Variants in CACNA1D observed in about 807,000 individuals in gnomAD.
The protein encoded by CACNA1D is calcium voltage-gated channel subunit alpha1 D.
CACNA1D carries 55 observed loss-of-function variants against 257.1 expected under a neutral mutation model. That is an observed-to-expected ratio of 0.21 (90% CI 0.17 to 0.27). The LOEUF (loss-of-function observed/expected upper bound fraction) is 0.27, where lower values mean the gene tolerates loss of function less well. CACNA1D is among the 10% of genes least tolerant of loss of function. CACNA1D has a pLI of 1.00. For missense variants in CACNA1D, 1,876 were observed against 2,784.0 expected, an observed-to-expected ratio of 0.67 and a Z score of 7.34; for synonymous variants, 980 against 1,014.9, an observed-to-expected ratio of 0.97 and a Z score of 0.65.
intron 40 of CACNA1D, among the ~76,000 whole-genome samples, chr3:53,794,843 G>T (rs909285026): frequency 6.6e-6 from 1 of 152,202 alleles, no homozygotes; most frequent in African/African-American, 2.4e-5. Flanking sequence ...GTGACCTCAT[G>T]GACCCCTGAC....
intron 29 of CACNA1D, 61 bp from the exon 30 acceptor site, chr3:53,761,937 G>T: frequency 8.4e-7 from 1 of 1,192,950 alleles, no homozygotes; most frequent in South Asian, 1.2e-5. Flanking sequence ...CCCCTATACG[G>T]TCCGTGTGGT....
intron 25 of CACNA1D, 144 bp downstream of exon 25, chr3:53,746,019 G>A: frequency 1.4e-6 from 1 of 714,250 alleles, no homozygotes; most frequent in Non-Finnish European, 2.5e-6. Context: ...GATGGTGTTT[G>A]TTTTTCATTG....
intron 3 of CACNA1D, among the ~76,000 whole-genome samples, chr3:53,511,257 T>C (rs1479991933): frequency 6.6e-6 from 1 of 152,126 alleles, no homozygotes; most frequent in African/African-American, 2.4e-5. Context: ...AGTGGGACAA[T>C]GGGGAATGGA....
intron 3 of CACNA1D, among the ~76,000 whole-genome samples, chr3:53,554,634 C>T (rs2092604619): frequency 6.6e-6 from 1 of 152,206 alleles, no homozygotes; most frequent in South Asian, 2.1e-4. Flanking sequence ...TTTAGTCTCC[C>T]TCAAGGGTAG....
At chr3:53,610,729 A>G (rs2093572947) in intron 3 of CACNA1D, among the ~76,000 whole-genome samples, 1 of 152,080 alleles carries the variant, frequency 6.6e-6, no homozygotes. Flanking sequence ...TTCTTTTAGT[A>G]TAATTGAATA....
intron 3 of CACNA1D, among the ~76,000 whole-genome samples, chr3:53,518,429 T>C (rs1229007715): frequency 6.6e-6 from 1 of 152,192 alleles, no homozygotes; most frequent in African/African-American, 2.4e-5. Flanking sequence ...CTTTGATTGC[T>C]TTGCCTGTTT....
At chr3:53,665,883 T>A (rs985941271) in intron 6 of CACNA1D, 71 bp downstream of exon 6, 1 of 1,259,342 alleles carries the variant, frequency 7.9e-7, no homozygotes. Context: ...CTTTCATGGT[T>A]TGGGGAAAAT....
At chr3:53,605,508 G>A (rs1018156695) in intron 3 of CACNA1D, among the ~76,000 whole-genome samples, 3 of 152,152 alleles carry the variant, frequency 2.0e-5, no homozygotes, top group African/African-American at 7.2e-5. Flanking sequence ...ACATTTTACA[G>A]CATTTCTATA....
intron 8 of CACNA1D, among the ~76,000 whole-genome samples, chr3:53,685,270 C>A (rs1051553245): frequency 4.6e-5 from 7 of 152,098 alleles, no homozygotes; most frequent in Non-Finnish European, 4.4e-5. Context: ...ACTGAGAAGA[C>A]ACAATGATCC....
intron 3 of CACNA1D, among the ~76,000 whole-genome samples, chr3:53,606,755 C>A (rs1368607216): frequency 1.3e-5 from 2 of 152,154 alleles, no homozygotes; most frequent in East Asian, 3.8e-4. Flanking sequence ...TCTGTAACTA[C>A]CAACCCACTC....
intron 35 of CACNA1D, among the ~76,000 whole-genome samples, chr3:53,776,268 T>C (rs1445333203): frequency 6.6e-6 from 1 of 152,214 alleles, no homozygotes; most frequent in East Asian, 1.9e-4. Flanking sequence ...CTTGGAGCAA[T>C]TACCAATCAC....
At chr3:53,718,046 G>A (rs1463613479) in intron 9 of CACNA1D, among the ~76,000 whole-genome samples, 1 of 152,134 alleles carries the variant, frequency 6.6e-6, no homozygotes, top group African/African-American at 2.4e-5. Context: ...TTCCTTTCTT[G>A]GAAATGTCTA....
chr3:53,622,932 C>G (rs562573461), intron 3 of CACNA1D, among the ~76,000 whole-genome samples: 1 of 151,950 alleles, frequency 6.6e-6, no homozygotes, highest in African/African-American at 2.4e-5. Flanking sequence ...CTCTGTCACC[C>G]AGGCTGCAGT....
chr3:53,561,318 T>C (rs529322116), intron 3 of CACNA1D, among the ~76,000 whole-genome samples: 125 of 152,356 alleles, frequency 8.2e-4, no homozygotes, highest in African/African-American at 3.0e-3. Context: ...TGCTGCGCTC[T>C]GGTCTGGACT....
In CACNA1D at chr3:53,673,614, C is replaced by A; in HGVS notation, c.1220+488C>A. ...AGGCCCAGTCCCTGTCCTAGGAGCA[C>A]TAACCTTCAGCAAAGCACTGAGAGG... On this transcript the variant is annotated intron_variant, in intron 8 of 47. Transcript: ENST00000350061. The surrounding 1 kb of genome is among the most constrained non-coding windows in gnomAD (Gnocchi z 4.1). 1 of 894,192 alleles carries A rather than the reference C, an allele frequency of 1.1e-6. No individual in the cohort carries two copies. The highest frequency in any genetic ancestry group is 1.9e-6 in the Non-Finnish European group (1 of 527,120). The allele number at this position is 894,192 out of a possible 1,614,324, so 55.4% of individuals were successfully genotyped here.
rs1465982837 is a variant in CACNA1D at position 53,812,178 on chromosome 3, A to G, written c.*772A>G. The G allele has an allele frequency of 6.6e-6, 1 of 152,236 alleles. No individual in the cohort carries two copies. 9.4% of individuals were successfully genotyped at this position (152,236 alleles called of 1,614,324 possible). A position where few individuals can be genotyped will look rare whatever the true frequency, so the allele number is the denominator to read the frequency against. On this transcript the variant is annotated 3_prime_UTR_variant, in exon 48 of 48. Transcript: ENST00000350061. ...ATTTACTGTACATGACTTGTAATAT[A>G]CTATAATTTGTATTTGTAAAGAGAT...
intron 27 of CACNA1D, among the ~76,000 whole-genome samples, chr3:53,749,903 C>T (rs1041529821): frequency 6.6e-6 from 1 of 152,196 alleles, no homozygotes; most frequent in African/African-American, 2.4e-5. Context: ...GTTGTGTTTC[C>T]TGGGCTTTTT....
At chr3:53,515,277 T>G (rs941688678) in intron 3 of CACNA1D, among the ~76,000 whole-genome samples, 1 of 152,144 alleles carries the variant, frequency 6.6e-6, no homozygotes, top group Non-Finnish European at 1.5e-5. Context: ...AGCCCCTGAT[T>G]GTCTCTTGAC....
rs553303695 is a variant in CACNA1D at position 53,515,425 on chromosome 3, G to A, written c.483+13705G>A. ...CACTAACACCTGCGTGGTCAGGGACGGCCTATACGGCACTTCATCATAGGG... is the reference window on the plus strand; with the variant it reads ...CACTAACACCTGCGTGGTCAGGGACAGCCTATACGGCACTTCATCATAGGG... On this transcript the variant is annotated intron_variant, in intron 3 of 47. Coordinates refer to ENST00000350061, the MANE Select transcript of CACNA1D (RefSeq NM_001128840.3). Among the ~76,000 whole-genome samples the A allele has an allele frequency of 4.6e-5, 7 of 152,222 alleles. No homozygotes were observed. The South Asian group carries it at 1.5e-3, about 32-fold the overall frequency.
Sources: allele counts gnomAD v4.1 joint callset (sites outside exome capture counted in the v4.1 genomes callset), GRCh38; gene constraint gnomAD v4.1.1; non-coding constraint Gnocchi (gnomAD v3.1); transcripts MANE v1.5; gene names NCBI Gene and HGNC (gene_info 2026-07-23, HGNC 2026-07-21).